MRAP2: variants seen among roughly 807,000 people sequenced by gnomAD.
MRAP2 encodes the protein melanocortin 2 receptor accessory protein 2.
MRAP2 carries 20 observed loss-of-function variants against 17.4 expected under a neutral mutation model. The observed-to-expected ratio is 1.15, with a 90% CI of 0.81 to 1.67. The LOEUF (loss-of-function observed/expected upper bound fraction) is 1.67, where lower values mean the gene tolerates loss of function less well. Ranked by LOEUF, MRAP2 falls within the 40% of genes most tolerant of loss-of-function variation. The pLI is 0.00. For synonymous variants in MRAP2, 96 were observed against 88.4 expected, an observed-to-expected ratio of 1.09 and a Z score of -0.48; for missense variants, 238 against 240.0, an observed-to-expected ratio of 0.99 and a Z score of 0.05.
chr6:84,085,098 A>G (rs964854333), intron 3 of MRAP2, among the ~76,000 whole-genome samples: 3 of 151,708 alleles, frequency 2.0e-5, no homozygotes, highest in African/African-American at 7.3e-5. Flanking sequence ...CTCTGTCCCC[A>G]GGCTGGAGTG....
chr6:84,137,265 T>C, the MRAP2 span, among the ~76,000 whole-genome samples: 1 of 152,208 alleles, frequency 6.6e-6, no homozygotes, highest in Non-Finnish European at 1.5e-5. Flanking sequence ...ATGCCAAGTG[T>C]GGCCTTATGG....
intron 1 of MRAP2, chr6:84,045,383 G>C: frequency 1.0e-6 from 1 of 985,150 alleles, no homozygotes; most frequent in Non-Finnish European, 1.2e-6. Flanking sequence ...CTGCCCCCAA[G>C]ACCTCTGTGC....
chr6:84,102,410 G>A, the MRAP2 span, among the ~76,000 whole-genome samples: 1 of 152,212 alleles, frequency 6.6e-6, no homozygotes, highest in South Asian at 2.1e-4. Context: ...ATGTGACCAT[G>A]GAAGAAGGCT....
At chr6:84,078,063 T>C (rs550458341) in intron 3 of MRAP2, among the ~76,000 whole-genome samples, 21 of 152,338 alleles carry the variant, frequency 1.4e-4, no homozygotes, top group African/African-American at 4.8e-4. Context: ...CATAGGAGAA[T>C]ATCTTCATGA....
the MRAP2 span, among the ~76,000 whole-genome samples, chr6:84,135,154 C>G: frequency 6.6e-6 from 1 of 152,062 alleles, no homozygotes; most frequent in Non-Finnish European, 1.5e-5. Flanking sequence ...TTTATACCTT[C>G]TAATTGCTAA....
intron 3 of MRAP2, among the ~76,000 whole-genome samples, chr6:84,064,633 A>G (rs181120109): frequency 0.021 from 3,165 of 152,084 alleles, 52 homozygotes; most frequent in African/African-American, 0.045. Flanking sequence ...GACTACAGGC[A>G]CCCACCACCA....
rs1205670246 is a variant in MRAP2, at chr6:84,034,515, CGCCCCGT to C, written c.-8+643_-8+649del. The stretch of plus-strand genomic sequence containing the variant: ...GCCCCCGCTCCCCCCGCCCGCCCCG[CGCCCCGT>C]GCCCCGTGCCTTTCCCATCCTTTCT... On this transcript the variant is annotated intron_variant, in intron 1 of 3. Coordinates refer to ENST00000257776, the MANE Select transcript of MRAP2 (RefSeq NM_138409.4). Among the ~76,000 whole-genome samples, 82 of 147,018 alleles carry C rather than the reference CGCCCCGT, an allele frequency of 5.6e-4. 1 individual carries two copies. The highest frequency in any genetic ancestry group is 2.0e-3 in the African/African-American group (78 of 39,272).
chr6:84,104,369 C>CTT, the MRAP2 span, among the ~76,000 whole-genome samples: 448 of 152,340 alleles, frequency 2.9e-3, 1 homozygote, highest in African/African-American at 0.01. Context: ...ATATTTTCCC[C>CTT]ATTATCTTGG....
chr6:84,035,169 G>T (rs2099485652), intron 1 of MRAP2, among the ~76,000 whole-genome samples: 1 of 152,258 alleles, frequency 6.6e-6, no homozygotes, highest in South Asian at 2.1e-4. Flanking sequence ...CTTTAAAGAG[G>T]GTCTCGAAGC....
intron 1 of MRAP2, among the ~76,000 whole-genome samples, chr6:84,052,363 G>C (rs535184756): frequency 2.6e-5 from 4 of 152,134 alleles, no homozygotes; most frequent in African/African-American, 7.2e-5. Flanking sequence ...ACACTGTGGC[G>C]GGAATAGCAG....
At chr6:84,047,640 A>G (rs1186635816) in intron 1 of MRAP2, among the ~76,000 whole-genome samples, 1 of 152,248 alleles carries the variant, frequency 6.6e-6, no homozygotes, top group Non-Finnish European at 1.5e-5. Context: ...ATCCATTTCC[A>G]GAACTTTTTC....
chr6:84,057,963 G>A (rs564516751), intron 2 of MRAP2, among the ~76,000 whole-genome samples: 39 of 152,228 alleles, frequency 2.6e-4, no homozygotes, highest in African/African-American at 6.7e-4. Context: ...GATCCTTGGC[G>A]GGAGTGAACT....
chr6:84,052,996 T>G (rs114506502), intron 1 of MRAP2: 2,355 of 159,784 alleles, frequency 0.015, 57 homozygotes, highest in African/African-American at 0.053. Context: ...GTGGTTGATA[T>G]TCCTTACAGT....
intron 1 of MRAP2, among the ~76,000 whole-genome samples, chr6:84,039,509 G>A (rs2099486980): frequency 6.6e-6 from 1 of 152,154 alleles, no homozygotes; most frequent in Non-Finnish European, 1.5e-5. Flanking sequence ...TTATAGTATT[G>A]TTGAGATATG....
rs3219 is a variant in MRAP2, at chr6:84,090,659, C to T, written c.*1178C>T. 0.18 allele frequency: 26,726 copies of T among 152,060 alleles called. 4,563 individuals are homozygous for T. Among genetic ancestry groups the T allele is most frequent in the African/African-American group, 0.44 (18,411 of 41,396 alleles). 9.4% of individuals were successfully genotyped at this position (152,060 alleles called of 1,614,324 possible). ...TGAGATGGTCAGTGGGTTGTAAATT[C>T]CCCACTAGCAGATATTCAGGGTGGC... On this transcript the variant is annotated 3_prime_UTR_variant, in exon 4 of 4. Coordinates refer to ENST00000257776, the MANE Select transcript of MRAP2 (RefSeq NM_138409.4).
chr6:84,057,940 C>T (rs2099492112), intron 2 of MRAP2, among the ~76,000 whole-genome samples: 1 of 152,076 alleles, frequency 6.6e-6, no homozygotes, highest in African/African-American at 2.4e-5. Context: ...GGGGGAAGAA[C>T]ATCCCAGAAA....
intron 2 of MRAP2, among the ~76,000 whole-genome samples, chr6:84,060,968 G>C (rs1208618824): frequency 1.3e-5 from 2 of 151,604 alleles, no homozygotes; most frequent in East Asian, 3.9e-4. Context: ...CAAAGTGCTG[G>C]GATTACAGGC....
At chr6:84,098,952 G>A in the MRAP2 span, among the ~76,000 whole-genome samples, 1 of 151,834 alleles carries the variant, frequency 6.6e-6, no homozygotes, top group Admixed American at 6.6e-5. Flanking sequence ...CTTCATTTTG[G>A]TGAACTCTAA....
chr6:84,102,998 T>C, the MRAP2 span, among the ~76,000 whole-genome samples: 2 of 152,140 alleles, frequency 1.3e-5, no homozygotes, highest in South Asian at 4.2e-4. Flanking sequence ...GCTATGAAAA[T>C]GTAGACAGAC....
Sources: gnomAD v4.1 joint callset for allele counts (sites outside exome capture counted in the v4.1 genomes callset) on GRCh38, gnomAD v4.1.1 for gene constraint, MANE v1.5 for transcripts, NCBI Gene and HGNC (gene_info 2026-07-23, HGNC 2026-07-21) for gene names.